The following ERAP1 variants were observed in gnomAD, a reference collection of about 807,000 sequenced individuals.
The protein encoded by ERAP1 is endoplasmic reticulum aminopeptidase 1, also known as adipocyte-derived leucine aminopeptidase.
ERAP1 carries 86 observed loss-of-function variants against 103.7 expected under a neutral mutation model. The observed-to-expected ratio is 0.83, with a 90% CI of 0.70 to 0.99. ERAP1 has a LOEUF of 0.99. Ranked by LOEUF, ERAP1 falls within the 50% of genes least tolerant of loss-of-function variation. The probability of loss-of-function intolerance (pLI) is 0.00; values close to 1 mark genes in which losing one functional copy is unlikely to be tolerated. For synonymous variants in ERAP1, 398 were observed against 402.4 expected (o/e 0.99, Z 0.13); for missense variants, 1,009 against 1,128.4 (o/e 0.89, Z 1.52).
At chr5:96,897,562 C>A in the ERAP1 span, among the ~76,000 whole-genome samples, 1 of 151,966 alleles carries the variant, frequency 6.6e-6, no homozygotes, top group Admixed American at 6.6e-5. Flanking sequence ...AATGTGATAG[C>A]ACCTAGCATA....
At chr5:96,833,139 C>T in the ERAP1 span, among the ~76,000 whole-genome samples, 20 of 152,148 alleles carry the variant, frequency 1.3e-4, no homozygotes, top group Non-Finnish European at 2.1e-4. Context: ...ACCCAAAATA[C>T]GCTACTTTGT....
the ERAP1 span, among the ~76,000 whole-genome samples, chr5:96,864,145 T>A: frequency 2.2e-4 from 33 of 152,202 alleles, no homozygotes; most frequent in Non-Finnish European, 3.8e-4. Context: ...ATACTTATTA[T>A]GGCACTTTGC....
At chr5:96,932,927 TC>T in the ERAP1 span, among the ~76,000 whole-genome samples, 1 of 152,208 alleles carries the variant, frequency 6.6e-6, no homozygotes, top group Non-Finnish European at 1.5e-5. Context: ...TCACATTATC[TC>T]CTTTGATAAT....
chr5:96,772,248 A>G (rs1772678027), downstream of ERAP1: 1 of 153,690 alleles, frequency 6.5e-6, no homozygotes, highest in Non-Finnish European at 1.5e-5. Context: ...TGCTGAAGAA[A>G]CTGGACAGAT....
chr5:96,761,112 C>T (rs1232846594), exon 20 of ERAP1: 1 of 151,996 alleles, frequency 6.6e-6, no homozygotes, highest in African/African-American at 2.4e-5. Context: ...TTATTTTATG[C>T]TTTTGTGTAG....
intron 19 of ERAP1, chr5:96,765,186 A>T: frequency 8.2e-7 from 1 of 1,216,208 alleles, no homozygotes; most frequent in Non-Finnish European, 1.2e-6. Context: ...CAGTTTGGCT[A>T]ATGAGTGACT....
chr5:96,828,560 A>G, the ERAP1 span, among the ~76,000 whole-genome samples: 2 of 152,188 alleles, frequency 1.3e-5, no homozygotes, highest in Non-Finnish European at 2.9e-5. Context: ...ATTAAGCCAC[A>G]CTTTCAATAG....
chr5:96,909,134 G>C, the ERAP1 span: 1 of 1,611,758 alleles, frequency 6.2e-7, no homozygotes, highest in Non-Finnish European at 8.5e-7. Context: ...GTTGCTTTTA[G>C]AAAATGTATT....
the ERAP1 span, among the ~76,000 whole-genome samples, chr5:96,883,386 G>A: frequency 6.6e-6 from 1 of 152,162 alleles, no homozygotes; most frequent in Non-Finnish European, 1.5e-5. Context: ...TTACTCAAAT[G>A]TCTATCTGAG....
In ERAP1 at chr5:96,776,055, A is replaced by G; in HGVS notation, c.*341T>C. 8.3e-7 allele frequency: 1 copy of G among 1,206,796 alleles called. No homozygotes were observed. Among genetic ancestry groups the G allele is most frequent in the Non-Finnish European group, 1.1e-6 (1 of 951,092 alleles). The allele number at this position is 1,206,796 out of a possible 1,614,324, so 74.8% of individuals were successfully genotyped here. On this transcript the variant is annotated 3_prime_UTR_variant, in exon 19 of 19. Coordinates refer to ENST00000443439, the MANE Select transcript of ERAP1 (RefSeq NM_001040458.3). ...AGAGTCTTTCGAGGAGACTGATGAA[A>G]CAGTTTATGAATGATAAACATGGGG...
chr5:96,765,247 C>G, intron 19 of ERAP1: 1 of 1,605,402 alleles, frequency 6.2e-7, no homozygotes, highest in Non-Finnish European at 8.5e-7. Context: ...TCGATGATGC[C>G]TTGGATAAAC....
chr5:96,903,873 G>A, the ERAP1 span, among the ~76,000 whole-genome samples: 1 of 152,254 alleles, frequency 6.6e-6, no homozygotes, highest in Middle Eastern at 3.4e-3. Flanking sequence ...ATAAAGGAGA[G>A]TGCAGTGGGC....
the ERAP1 span, among the ~76,000 whole-genome samples, chr5:96,813,745 C>A: frequency 7.1e-6 from 1 of 140,432 alleles, no homozygotes; most frequent in Admixed American, 7.3e-5. Context: ...ACTTGTTTAA[C>A]AAACTGTAGT....
intron 11 of ERAP1, 137 bp from the exon 12 acceptor site, chr5:96,786,686 C>T: frequency 1.6e-6 from 1 of 644,528 alleles, no homozygotes; most frequent in East Asian, 2.8e-5. Context: ...GCTCTCAAAA[C>T]ATCCCCAGTC....
At chr5:96,874,642 G>A in the ERAP1 span, among the ~76,000 whole-genome samples, 7 of 152,110 alleles carry the variant, frequency 4.6e-5, no homozygotes, top group East Asian at 1.9e-4. Flanking sequence ...CTTATGTTTC[G>A]GGCCTTAGGT....
intron 1 of ERAP1, among the ~76,000 whole-genome samples, chr5:96,805,378 A>G (rs1192587838): frequency 6.8e-6 from 1 of 147,418 alleles, no homozygotes; most frequent in Non-Finnish European, 1.5e-5. Flanking sequence ...AAAACTGTCC[A>G]GAGATTTTAC....
At chr5:96,931,698 A>C in the ERAP1 span, among the ~76,000 whole-genome samples, 1 of 152,216 alleles carries the variant, frequency 6.6e-6, no homozygotes, top group Non-Finnish European at 1.5e-5. Flanking sequence ...TCTAATGGGG[A>C]ATTTCTGAGA....
chr5:96,928,646 G>A, the ERAP1 span, among the ~76,000 whole-genome samples: 1 of 152,274 alleles, frequency 6.6e-6, no homozygotes, highest in African/African-American at 2.4e-5. Context: ...AATTTCTGTT[G>A]TTTAAGTCAT....
chr5:96,763,523 A>G (rs1768758542), intron 19 of ERAP1, among the ~76,000 whole-genome samples: 1 of 152,210 alleles, frequency 6.6e-6, no homozygotes, highest in African/African-American at 2.4e-5. Context: ...AACATTTGCA[A>G]TCAAAAACTT....
Sources: allele counts gnomAD v4.1 joint callset (sites outside exome capture counted in the v4.1 genomes callset), GRCh38; gene constraint gnomAD v4.1.1; transcripts MANE v1.5; gene names NCBI Gene and HGNC (gene_info 2026-07-23, HGNC 2026-07-21).